LINS1: variants seen among roughly 807,000 people sequenced by gnomAD.
The protein encoded by LINS1 is protein Lines homolog 1.
Under a neutral mutation model 41.6 loss-of-function variants are expected in LINS1, and 27 were observed. The observed-to-expected ratio is 0.65, with a 90% CI of 0.48 to 0.89. LINS1 has a LOEUF of 0.89. Ranked by LOEUF, LINS1 falls within the 40% of genes least tolerant of loss-of-function variation. The probability of loss-of-function intolerance (pLI) is 0.00; values close to 1 mark genes in which losing one functional copy is unlikely to be tolerated. For synonymous variants in LINS1, 336 were observed against 312.9 expected, an observed-to-expected ratio of 1.07 and a Z score of -0.78; for missense variants, 955 against 884.1, an observed-to-expected ratio of 1.08 and a Z score of -1.02.
Position 100,569,122 on chromosome 15 carries a change from C to CAAAA in LINS1, c.*112_*115dup, listed in dbSNP as rs56225071. ...TGAGCGACAGAATGAGATTCTGTCT[C>CAAAA]AAAAAAAAAAAAAAAAAAGAAAACC... On this transcript the variant is annotated 3_prime_UTR_variant, in exon 7 of 7. Coordinates refer to ENST00000314742, the MANE Select transcript of LINS1 (RefSeq NM_001040616.3). 2,690 of 474,526 alleles carry CAAAA rather than the reference C, an allele frequency of 5.7e-3. 2 individuals carry two copies. The highest frequency in any genetic ancestry group is 7.0e-3 in the South Asian group (280 of 40,074). 29.4% of individuals were successfully genotyped at this position (474,526 alleles called of 1,614,324 possible). A position where few individuals can be genotyped will look rare whatever the true frequency, so the allele number is the denominator to read the frequency against.
intron 3 of LINS1, among the ~76,000 whole-genome samples, chr15:100,575,437 A>T (rs1195488934): frequency 6.6e-6 from 1 of 152,234 alleles, no homozygotes; most frequent in Non-Finnish European, 1.5e-5. Flanking sequence ...AGACCATTAC[A>T]TAATGGTACA....
At chr15:100,587,172 A>AAAC (rs2038843346) in intron 1 of LINS1, among the ~76,000 whole-genome samples, 1 of 149,738 alleles carries the variant, frequency 6.7e-6, no homozygotes, top group Non-Finnish European at 1.5e-5. Flanking sequence ...AAAAAAAAAA[A>AAAC]AAAAAAAAAA....
chr15:100,593,684 G>A (rs1345407803), intron 1 of LINS1, among the ~76,000 whole-genome samples: 4 of 152,118 alleles, frequency 2.6e-5, no homozygotes, highest in Non-Finnish European at 5.9e-5. Flanking sequence ...ATCAGAGCCT[G>A]TGTCCTTCAC....
rs2037699033 is a variant in LINS1, at chr15:100,569,650, C to CG, written c.1861dup (p.Arg621ProfsTer13). The CG allele has an allele frequency of 1.1e-5, 18 of 1,612,798 alleles. No individual in the cohort carries two copies. The highest frequency in any genetic ancestry group is 4.5e-5 in the East Asian group (2 of 44,870). ...GTAATCTACCAGACTTTGAGAGGCC[C>CG]GGGGGGAAGACAGACTAGAAGCACA... On this transcript the variant is annotated frameshift_variant, in exon 7 of 7. Coordinates refer to ENST00000314742, the MANE Select transcript of LINS1 (RefSeq NM_001040616.3). LOFTEE classifies it low-confidence loss of function (END_TRUNC).
chr15:100,598,215 T>C (rs188554301), intron 1 of LINS1, among the ~76,000 whole-genome samples: 251 of 152,368 alleles, frequency 1.6e-3, no homozygotes, highest in Non-Finnish European at 3.0e-3. Flanking sequence ...GGTTCTTCCC[T>C]AGCTCCTAGC....
intron 1 of LINS1, among the ~76,000 whole-genome samples, chr15:100,590,358 G>A (rs2038980597): frequency 6.6e-6 from 1 of 152,224 alleles, no homozygotes; most frequent in Non-Finnish European, 1.5e-5. Flanking sequence ...AAGGTCCAAT[G>A]CAGGTGAGAA....
chr15:100,569,802 G>A lies in LINS1; in HGVS notation c.1710C>T (p.Asn570=), dbSNP rs1226701941. The A allele has an allele frequency of 3.1e-6, 5 of 1,613,972 alleles. No homozygotes were observed. ...CAGTCAAACGATGGGGTATTGTTTG[G>A]TTGGAGCTTTGGTCTTGGACAAGTG... is the stretch of plus-strand genomic sequence containing the variant. ...VPSLVQDQSS[N]QTIPHRLTAP... is the part of the protein sequence containing the mutation. The change falls in exon 7 of 7, where the codon AAC becomes AAT. Residue 570 remains asparagine, a synonymous_variant. Transcript: ENST00000314742.
At chr15:100,582,501 C>G (rs942256129) in intron 1 of LINS1, among the ~76,000 whole-genome samples, 1 of 140,202 alleles carries the variant, frequency 7.1e-6, no homozygotes, top group Non-Finnish European at 1.5e-5. Flanking sequence ...TCTGTCTACA[C>G]TATGGCCCAC....
Position 100,569,137 on chromosome 15 carries a change from A to G in LINS1, c.*101T>C, listed in dbSNP as rs2037659150. Reference sequence around the variant, plus strand: ...GATTCTGTCTCAAAAAAAAAAAAAAAAAAGAAAACCCTTTTATGGTGATGA... The same window carrying G: ...GATTCTGTCTCAAAAAAAAAAAAAAGAAAGAAAACCCTTTTATGGTGATGA... On this transcript the variant is annotated 3_prime_UTR_variant, in exon 7 of 7. Coordinates refer to ENST00000314742, the MANE Select transcript of LINS1 (RefSeq NM_001040616.3). 1.2e-5 allele frequency: 10 copies of G among 808,508 alleles called. No homozygotes were observed. The highest frequency in any genetic ancestry group is 2.8e-5 in the Admixed American group (1 of 35,800). 50.1% of individuals were successfully genotyped at this position (808,508 alleles called of 1,614,324 possible).
Position 100,571,875 on chromosome 15 carries a change from T to G in LINS1, c.1394+19A>C, listed in dbSNP as rs756033654. On this transcript the variant is annotated intron_variant, in intron 6 of 6. Transcript: ENST00000314742. ...CCTGACTTGTAGGCCGTTCAATAAT[T>G]ACTTTAAAATACACTAACCTGGTCA... is the stretch of plus-strand genomic sequence containing the variant. 1.9e-6 allele frequency: 3 copies of G among 1,613,942 alleles called. No individual in the cohort carries two copies. Among genetic ancestry groups the G allele is most frequent in the African/African-American group, 1.3e-5 (1 of 75,060 alleles).
chr15:100,587,578 T>TAA (rs1447236800), intron 1 of LINS1, among the ~76,000 whole-genome samples: 3 of 152,196 alleles, frequency 2.0e-5, no homozygotes, highest in Non-Finnish European at 4.4e-5. Flanking sequence ...TGCATATATA[T>TAA]AAAACCATGA....
At chr15:100,577,071 T>C (rs1441191277) in intron 3 of LINS1, among the ~76,000 whole-genome samples, 2 of 152,188 alleles carry the variant, frequency 1.3e-5, no homozygotes, top group Non-Finnish European at 1.5e-5. Context: ...GCCAATATCA[T>C]ACTGAATGGG....
At chr15:100,594,719 T>C (rs1172725272) in intron 1 of LINS1, among the ~76,000 whole-genome samples, 4 of 152,200 alleles carry the variant, frequency 2.6e-5, no homozygotes, top group Non-Finnish European at 5.9e-5. Context: ...AAAAAATCCA[T>C]ACATGTTCAG....
At position 100,580,639 on chromosome 15, in the gene LINS1, G is replaced by C; in HGVS notation, c.204C>G (p.Pro68=). 6.2e-7 allele frequency: 1 copy of C among 1,613,938 alleles called. No homozygotes were observed. The highest frequency in any genetic ancestry group is 8.5e-7 in the Non-Finnish European group (1 of 1,179,912). Residue 68 remains proline, a synonymous_variant, in exon 2 of 7, where the codon CCC becomes CCG. Transcript: ENST00000314742. ...RHQPISVGVA[P]IAVAPVCLKT... ...TCAAACACACAGGTGCTACAGCAAT[G>C]GGAGCCACACCAACAGAGATGGGCT...
chr15:100,569,566 T>G lies in LINS1; in HGVS notation c.1946A>C (p.Gln649Pro). 1 of 1,614,220 alleles carries G rather than the reference T, an allele frequency of 6.2e-7. No homozygotes were observed. The highest frequency in any genetic ancestry group is 1.1e-5 in the South Asian group (1 of 91,088). The change falls in exon 7 of 7, where the codon CAG (glutamine) becomes CCG (proline). Residue 649 changes from glutamine (Q) to proline (P), a missense_variant. Physicochemically the swap from Gln to Pro is moderately conservative, Grantham distance 76. Coordinates refer to ENST00000314742, the MANE Select transcript of LINS1 (RefSeq NM_001040616.3). Reference protein sequence around the residue: ...STEQCLANSKQTSLHQQATKE... With the variant: ...STEQCLANSKPTSLHQQATKE... ...AGTTGCTTGCTGGTGTAAAGATGTC[T>G]GTTTACTGTTAGCTAAACACTGCTC...
chr15:100,584,810 T>C (rs1176350211), intron 1 of LINS1, among the ~76,000 whole-genome samples: 2 of 152,202 alleles, frequency 1.3e-5, no homozygotes, highest in East Asian at 1.9e-4. Context: ...AAATGCCAAC[T>C]GCAAGCCCCA....
intron 1 of LINS1, among the ~76,000 whole-genome samples, chr15:100,599,064 G>A (rs1023926431): frequency 1.3e-5 from 2 of 152,168 alleles, no homozygotes; most frequent in Admixed American, 1.3e-4. Context: ...CAATGACAAA[G>A]TCTCTTTCTA....
rs1947355637 is a variant in LINS1, at chr15:100,580,494, T to C, written c.349A>G (p.Arg117Gly). 2 of 1,613,934 alleles carry C rather than the reference T, an allele frequency of 1.2e-6. No individual in the cohort carries two copies. Among genetic ancestry groups the C allele is most frequent in the African/African-American group, 2.7e-5 (2 of 74,930 alleles). ...TCTAAGAGAATTTTAATTACATCTC[T>C]GTACTGCTCCTTTGCATGGAACTCG... ...KTEFHAKEQY[R>G]DVIKILLESA... is the part of the protein sequence containing the mutation. The change falls in exon 2 of 7, where the codon AGA becomes GGA. Residue 117 changes from arginine (R) to glycine (G), a missense_variant. Transcript: ENST00000314742.
At position 100,570,129 on chromosome 15, in the gene LINS1, G is replaced by A. The variant is rs1340006275; in HGVS notation, c.1395-12C>T. 6.3e-7 allele frequency: 1 copy of A among 1,578,640 alleles called. No individual in the cohort carries two copies. Among genetic ancestry groups the A allele is most frequent in the South Asian group, 1.1e-5 (1 of 87,184 alleles). On this transcript the variant is annotated splice_polypyrimidine_tract_variant and intron_variant, in intron 6 of 6. Coordinates refer to ENST00000314742, the MANE Select transcript of LINS1 (RefSeq NM_001040616.3). Reference sequence around the variant, plus strand: ...TGGCTTCACATCCTCTGAAAATGAAGATAATGGAGAATGCAGATTAATGAC... The same window carrying A: ...TGGCTTCACATCCTCTGAAAATGAAAATAATGGAGAATGCAGATTAATGAC...
Sources: gnomAD v4.1 joint callset for allele counts (sites outside exome capture counted in the v4.1 genomes callset) on GRCh38, gnomAD v4.1.1 for gene constraint, MANE v1.5 for transcripts, NCBI Gene and HGNC (gene_info 2026-07-23, HGNC 2026-07-21) for gene names.